The following SCARA5 variants were observed in gnomAD, a reference collection of about 807,000 sequenced individuals.
SCARA5 encodes the protein scavenger receptor class A member 5, also known as scavenger receptor class A, member 5 (putative).
A neutral mutation model predicts 46.3 loss-of-function variants in SCARA5; 45 were observed. The observed-to-expected ratio is 0.97, with a 90% CI of 0.76 to 1.24. The LOEUF (loss-of-function observed/expected upper bound fraction) is 1.24. Among genes scored for constraint, SCARA5 ranks in the 50% most tolerant of loss-of-function variants. The pLI is 0.00. For synonymous variants in SCARA5, 333 were observed against 306.5 expected, an observed-to-expected ratio of 1.09 and a Z score of -0.90; for missense variants, 680 against 689.0, an observed-to-expected ratio of 0.99 and a Z score of 0.15.
chr8:27,991,856 C>G (rs1459163309), intron 1 of SCARA5, among the ~76,000 whole-genome samples: 4 of 150,808 alleles, frequency 2.7e-5, no homozygotes, highest in East Asian at 2.0e-4. Flanking sequence ...CACACACACA[C>G]ACATGCACAC....
At position 27,908,668 on chromosome 8, in the gene SCARA5, C is replaced by T. The variant is rs1807313668; in HGVS notation, c.997+995G>A. ...CAACATATCTGTTCCCAGAGTCCAA[C>T]AGCTCCACTGCCACAGAATTATTGA... On this transcript the variant is annotated intron_variant, in intron 5 of 8. Coordinates refer to ENST00000354914, the MANE Select transcript of SCARA5 (RefSeq NM_173833.6). Among the ~76,000 whole-genome samples, 3 of 152,160 alleles carry T rather than the reference C, an allele frequency of 2.0e-5. No homozygotes were observed. The South Asian group carries it at 6.2e-4, about 32-fold the overall frequency.
At chr8:27,952,661 ATTAAGCC>A (rs1808146872) in intron 3 of SCARA5, among the ~76,000 whole-genome samples, 1 of 152,252 alleles carries the variant, frequency 6.6e-6, no homozygotes, top group Non-Finnish European at 1.5e-5. Flanking sequence ...CAGTCTTTCT[ATTAAGCC>A]TTAAACATAT....
chr8:27,923,287 C>T (rs1350118683), intron 3 of SCARA5, among the ~76,000 whole-genome samples: 1 of 152,234 alleles, frequency 6.6e-6, no homozygotes, highest in Non-Finnish European at 1.5e-5. Flanking sequence ...CCTTTCCCTT[C>T]TGCTCACGTG....
chr8:27,930,953 C>A (rs925535943), intron 3 of SCARA5, among the ~76,000 whole-genome samples: 1 of 152,112 alleles, frequency 6.6e-6, no homozygotes, highest in African/African-American at 2.4e-5. Flanking sequence ...TGGGACGGAA[C>A]GCCACTGCAC....
rs965678929 is a variant in SCARA5, at chr8:27,870,687, T to C, written c.*1247A>G. 6.6e-6 allele frequency: 1 copy of C among 152,144 alleles called. No individual in the cohort carries two copies. Among genetic ancestry groups the C allele is most frequent in the African/African-American group, 2.4e-5 (1 of 41,410 alleles). 9.4% of individuals were successfully genotyped at this position (152,144 alleles called of 1,614,324 possible). Reference sequence around the variant, plus strand: ...TAAAAAGCAGAACACGATCTCCCTGTCTCTAGGAGGAGGGTGCAGATTGCA... The same window carrying C: ...TAAAAAGCAGAACACGATCTCCCTGCCTCTAGGAGGAGGGTGCAGATTGCA... On this transcript the variant is annotated 3_prime_UTR_variant, in exon 9 of 9. Transcript: ENST00000354914.
At chr8:27,946,501 C>T (rs1306071162) in intron 3 of SCARA5, among the ~76,000 whole-genome samples, 1 of 152,164 alleles carries the variant, frequency 6.6e-6, no homozygotes, top group African/African-American at 2.4e-5. Context: ...GGAAACCAGC[C>T]CTGTTAGCAC....
chr8:27,938,358 A>AG (rs932011765), intron 3 of SCARA5, among the ~76,000 whole-genome samples: 9 of 151,604 alleles, frequency 5.9e-5, no homozygotes, highest in Non-Finnish European at 1.0e-4. Context: ...ACTATAATAA[A>AG]AAAAAATCTT....
At chr8:27,873,909 G>A (rs1395309951) in intron 8 of SCARA5, among the ~76,000 whole-genome samples, 1 of 152,176 alleles carries the variant, frequency 6.6e-6, no homozygotes, top group Non-Finnish European at 1.5e-5. Flanking sequence ...AATTGGCTGG[G>A]CGTGGTGGTG....
intron 3 of SCARA5, among the ~76,000 whole-genome samples, chr8:27,949,938 G>C (rs983922403): frequency 2.0e-5 from 3 of 152,238 alleles, no homozygotes; most frequent in African/African-American, 7.2e-5. Flanking sequence ...AGCTGGCCTT[G>C]CTGATGGTGC....
At chr8:27,986,770 T>C (rs1301165390) in intron 2 of SCARA5, among the ~76,000 whole-genome samples, 2 of 152,210 alleles carry the variant, frequency 1.3e-5, no homozygotes, top group African/African-American at 4.8e-5. Flanking sequence ...AAAAGGCCTG[T>C]CTCTCCTTGG....
intron 2 of SCARA5, among the ~76,000 whole-genome samples, chr8:27,973,716 C>T (rs139879748): frequency 3.9e-5 from 6 of 152,226 alleles, no homozygotes; most frequent in East Asian, 1.9e-4. Context: ...ATCCATGGCA[C>T]GGAGGCCACA....
intron 4 of SCARA5, among the ~76,000 whole-genome samples, chr8:27,917,258 T>A (rs922670880): frequency 6.6e-6 from 1 of 152,096 alleles, no homozygotes; most frequent in African/African-American, 2.4e-5. Context: ...CAGAACTGAG[T>A]GTAAAACTTA....
Position 27,871,451 on chromosome 8 carries a change from C to T in SCARA5, c.*483G>A. The T allele has an allele frequency of 1.0e-6, 1 of 988,952 alleles. No individual in the cohort carries two copies. The highest frequency in any genetic ancestry group is 1.2e-6 in the Non-Finnish European group (1 of 832,028). 61.3% of individuals were successfully genotyped at this position (988,952 alleles called of 1,614,324 possible). On this transcript the variant is annotated 3_prime_UTR_variant, in exon 9 of 9. Transcript: ENST00000354914. ...AGAGGCAGAGTAAAGGGGGGAAATT[C>T]ATCACTTGACGTTGCCTCTTGCTGG...
intron 3 of SCARA5, among the ~76,000 whole-genome samples, chr8:27,962,241 G>A (rs1808304936): frequency 6.6e-6 from 1 of 152,088 alleles, no homozygotes; most frequent in Non-Finnish European, 1.5e-5. Flanking sequence ...CTCATACAAG[G>A]GATGACAGCT....
At chr8:27,920,871 G>C (rs1301187264) in intron 4 of SCARA5, among the ~76,000 whole-genome samples, 1 of 151,550 alleles carries the variant, frequency 6.6e-6, no homozygotes, top group Non-Finnish European at 1.5e-5. Flanking sequence ...AGCTACTTGG[G>C]AGGCTGAGGC....
chr8:27,959,758 G>A (rs955679038), intron 3 of SCARA5, among the ~76,000 whole-genome samples: 9 of 152,294 alleles, frequency 5.9e-5, no homozygotes, highest in Admixed American at 1.3e-4. Context: ...TCTGTGACTC[G>A]CAGTTGTTTT....
intron 7 of SCARA5, among the ~76,000 whole-genome samples, chr8:27,895,501 C>T (rs966056632): frequency 2.6e-5 from 4 of 152,230 alleles, no homozygotes; most frequent in South Asian, 2.1e-4. Flanking sequence ...GCTCTTAATA[C>T]GTTCCTTTAC....
At chr8:27,921,312 C>A (rs1201771267) in intron 4 of SCARA5, among the ~76,000 whole-genome samples, 1 of 152,224 alleles carries the variant, frequency 6.6e-6, no homozygotes, top group Non-Finnish European at 1.5e-5. Flanking sequence ...AGAAGAGTGG[C>A]CACTGAATCT....
chr8:27,944,711 A>C (rs1280761655), intron 3 of SCARA5, among the ~76,000 whole-genome samples: 1 of 150,650 alleles, frequency 6.6e-6, no homozygotes, highest in Admixed American at 6.6e-5. Flanking sequence ...AATAGAAAAA[A>C]AAAAAAAAAG....
Sources: gnomAD v4.1 joint callset for allele counts (sites outside exome capture counted in the v4.1 genomes callset) on GRCh38, gnomAD v4.1.1 for gene constraint, MANE v1.5 for transcripts, NCBI Gene and HGNC (gene_info 2026-07-23, HGNC 2026-07-21) for gene names.